GREB1: variants seen among roughly 807,000 people sequenced by gnomAD.
GREB1 encodes growth regulating estrogen receptor binding 1.
A neutral mutation model predicts 200.7 loss-of-function variants in GREB1; 106 were observed. That is an observed-to-expected ratio of 0.53 (90% CI 0.45 to 0.62). GREB1 has a LOEUF of 0.62. GREB1 is among the 20% of genes least tolerant of loss of function. The pLI, the probability that GREB1 is intolerant of heterozygous loss-of-function variation, is 0.00. For missense variants in GREB1, 2,243 were observed against 2,556.8 expected, an observed-to-expected ratio of 0.88 and a Z score of 2.65; for synonymous variants, 1,132 against 1,092.4, an observed-to-expected ratio of 1.04 and a Z score of -0.72.
chr2:11,518,452 C>G (rs1673584953), intron 1 of GREB1, among the ~76,000 whole-genome samples: 1 of 151,746 alleles, frequency 6.6e-6, no homozygotes, highest in Admixed American at 6.6e-5. Context: ...GTTCCAGAAA[C>G]CTAGAGTCAG....
Position 11,592,776 on chromosome 2 carries a change from C to G in GREB1, c.1346C>G (p.Ala449Gly). The change falls in exon 11 of 33, where the codon GCC (alanine) becomes GGC (glycine). Residue 449 changes from alanine (A) to glycine (G), a missense_variant and splice_region_variant. Physicochemically the swap from Ala to Gly is moderately conservative, Grantham distance 60 (BLOSUM62 0). Coordinates refer to ENST00000381486, the MANE Select transcript of GREB1 (RefSeq NM_014668.4). ...GCCCTCCGCCCGCATTGTGTTGCAGCCGCGGACCAGGTGCCCTTGATGGAG... is the reference window on the plus strand; with the variant it reads ...GCCCTCCGCCCGCATTGTGTTGCAGGCGCGGACCAGGTGCCCTTGATGGAG... ...LLTVYYLVQLAADQVPLMEDL... is the reference protein window; with the variant it reads ...LLTVYYLVQLGADQVPLMEDL... 1.3e-6 allele frequency: 2 copies of G among 1,510,766 alleles called. No individual in the cohort carries two copies. Among genetic ancestry groups the G allele is most frequent in the Non-Finnish European group, 1.8e-6 (2 of 1,136,282 alleles). The allele number at this position is 1,510,766 out of a possible 1,614,324, so 93.6% of individuals were successfully genotyped here.
In GREB1 at chr2:11,615,131, T is replaced by G; in HGVS notation, c.3163T>G (p.Cys1055Gly). ...TGACCTGCGATTGATAAACTCCTCC[T>G]GCTTGGTGAGAACAGCCTTGGAGCA... ...YCDLRLINSS[C>G]LVRTALEQEL... is the part of the protein sequence containing the mutation. Residue 1055 changes from cysteine to glycine, a missense_variant, in exon 20 of 33, where the codon TGC (cysteine) becomes GGC (glycine). Around this residue, in one of 3 missense-constraint regions of GREB1, gnomAD observed 1,178 missense variants for 1,387.4 expected, o/e 0.85. Transcript: ENST00000381486. 6.2e-7 allele frequency: 1 copy of G among 1,614,196 alleles called. No individual in the cohort carries two copies. Among genetic ancestry groups the G allele is most frequent in the Non-Finnish European group, 8.5e-7 (1 of 1,180,002 alleles).
intron 1 of GREB1, among the ~76,000 whole-genome samples, chr2:11,511,618 G>A (rs776924562): frequency 2.0e-5 from 3 of 152,108 alleles, no homozygotes; most frequent in African/African-American, 7.2e-5. Flanking sequence ...TGAGAGGAGG[G>A]CGTCTGCGCA....
chr2:11,494,951 C>T (rs1262969942), intron 1 of GREB1, among the ~76,000 whole-genome samples: 1 of 152,118 alleles, frequency 6.6e-6, no homozygotes, highest in East Asian at 1.9e-4. Context: ...AGGTGCTCAC[C>T]GTTGGTGGTG....
chr2:11,600,054 G>C (rs1419477955), intron 15 of GREB1, among the ~76,000 whole-genome samples: 1 of 152,220 alleles, frequency 6.6e-6, no homozygotes, highest in African/African-American at 2.4e-5. Flanking sequence ...GATTGTCGCA[G>C]ATCCACAGAT....
chr2:11,578,214 G>T, intron 5 of GREB1, 83 bp from the exon 6 acceptor site: 1 of 1,464,068 alleles, frequency 6.8e-7, no homozygotes, highest in Non-Finnish European at 9.4e-7. Context: ...CTGTCCTGTA[G>T]GACACGTTCC....
intron 10 of GREB1, chr2:11,591,939 A>G: frequency 1.1e-6 from 1 of 915,422 alleles, no homozygotes; most frequent in Non-Finnish European, 1.3e-6. Flanking sequence ...TTATACTGAC[A>G]ATCATTGCAG....
chr2:11,509,520 A>T (rs1296833915), intron 1 of GREB1, among the ~76,000 whole-genome samples: 1 of 152,202 alleles, frequency 6.6e-6, no homozygotes, highest in Non-Finnish European at 1.5e-5. Flanking sequence ...CCTAAAAAAC[A>T]TTAACGGTAA....
At chr2:11,489,665 A>G (rs1387159455) in intron 1 of GREB1, among the ~76,000 whole-genome samples, 1 of 152,234 alleles carries the variant, frequency 6.6e-6, no homozygotes, top group African/African-American at 2.4e-5. Flanking sequence ...CATGCGTGTA[A>G]GAGTAGTTCA....
Position 11,597,819 on chromosome 2 carries a change from C to G in GREB1, c.1993C>G (p.Leu665Val). 1 of 1,614,232 alleles carries G rather than the reference C, an allele frequency of 6.2e-7. No individual in the cohort carries two copies. The highest frequency in any genetic ancestry group is 8.5e-7 in the Non-Finnish European group (1 of 1,180,044). The stretch of plus-strand genomic sequence containing the variant: ...GCCACACAGCATCCGGCCCTTCCAG[C>G]TGGCAGTAGCGCAGAAGCTCCTCTC... ...LEPHSIRPFQLAVAQKLLSHV... is the reference protein window; with the variant it reads ...LEPHSIRPFQVAVAQKLLSHV... The change falls in exon 14 of 33, where the codon CTG becomes GTG. Residue 665 changes from leucine to valine, a missense_variant. Coordinates refer to ENST00000381486, the MANE Select transcript of GREB1 (RefSeq NM_014668.4). This position sits in a 1 kb window ranked among gnomAD's most constrained non-coding sequence, Gnocchi z 4.1.
intron 17 of GREB1, among the ~76,000 whole-genome samples, chr2:11,604,524 G>A (rs1202273043): frequency 1.3e-5 from 2 of 152,186 alleles, no homozygotes; most frequent in African/African-American, 4.8e-5. Flanking sequence ...AAGTGTTGCA[G>A]AGATTAAATC....
intron 4 of GREB1, among the ~76,000 whole-genome samples, chr2:11,574,059 T>C (rs568090793): frequency 2.6e-5 from 4 of 152,368 alleles, no homozygotes; most frequent in Admixed American, 2.6e-4. Context: ...GCTGGGTTTA[T>C]CTCAAGCGTC....
At chr2:11,618,963 G>T (rs767121324) in intron 22 of GREB1, 44 bp downstream of exon 22, 1 of 1,435,724 alleles carries the variant, frequency 7.0e-7, no homozygotes, top group African/African-American at 1.4e-5. Flanking sequence ...GACTGGGGGG[G>T]TCCTCACACT....
At chr2:11,582,746 G>T (rs1012189115) in intron 7 of GREB1, among the ~76,000 whole-genome samples, 1 of 152,262 alleles carries the variant, frequency 6.6e-6, no homozygotes, top group African/African-American at 2.4e-5. Context: ...GTTGAGCACA[G>T]CTGAAGTGTC....
At chr2:11,545,841 G>A (rs1368318354) in intron 1 of GREB1, among the ~76,000 whole-genome samples, 2 of 151,902 alleles carry the variant, frequency 1.3e-5, no homozygotes, top group Non-Finnish European at 2.9e-5. Context: ...GATAGCAGCT[G>A]TTGATTATAC....
Position 11,610,957 on chromosome 2 carries a change from A to T in GREB1, c.2936A>T (p.His979Leu), listed in dbSNP as rs769980115. 10 of 1,609,476 alleles carry T rather than the reference A, an allele frequency of 6.2e-6. No individual in the cohort carries two copies. Among genetic ancestry groups the T allele is most frequent in the Non-Finnish European group, 8.5e-6 (10 of 1,178,344 alleles). ...CGGGCCCGGCTGGCGCTGGAGGAGC[A>T]CTTTGAGATCATCCTGGGCAGTCCC... is the stretch of plus-strand genomic sequence containing the variant. ...HVRARLALEE[H>L]FEIILGSPSS... is the part of the protein sequence containing the mutation. Residue 979 changes from histidine (H) to leucine (L), a missense_variant, in exon 18 of 33, where the codon CAC becomes CTC. Physicochemically the swap from His to Leu is moderately conservative, Grantham distance 99 (BLOSUM62 -3). Around this residue, in one of 3 missense-constraint regions of GREB1, gnomAD observed 1,178 missense variants for 1,387.4 expected, o/e 0.85. Coordinates refer to ENST00000381486, the MANE Select transcript of GREB1 (RefSeq NM_014668.4).
intron 9 of GREB1, 96 bp from the exon 10 acceptor site, chr2:11,588,650 A>G (rs779617541): frequency 3.9e-5 from 44 of 1,120,886 alleles, no homozygotes; most frequent in East Asian, 1.2e-4. Flanking sequence ...CAGCTCACCT[A>G]TCTCCTTCAG....
chr2:11,530,359 G>C (rs749174898), upstream of GREB1, among the ~76,000 whole-genome samples: 23 of 151,458 alleles, frequency 1.5e-4, no homozygotes, highest in Non-Finnish European at 2.1e-4. Context: ...AGTGCGCCCG[G>C]CCCTAGGTGA....
At chr2:11,619,195 A>G (rs1200327585) in intron 22 of GREB1, among the ~76,000 whole-genome samples, 3 of 152,144 alleles carry the variant, frequency 2.0e-5, no homozygotes, top group African/African-American at 7.2e-5. Flanking sequence ...AATCCACATC[A>G]TCTCACTCGG....
Sources: gnomAD v4.1 joint callset for allele counts (sites outside exome capture counted in the v4.1 genomes callset) on GRCh38, gnomAD v4.1.1 for gene constraint, gnomAD v4.1.1 regional missense constraint, Gnocchi (gnomAD v3.1) non-coding constraint, MANE v1.5 for transcripts, NCBI Gene and HGNC (gene_info 2026-07-23, HGNC 2026-07-21) for gene names.